Variants in PAK3 observed in about 807,000 individuals in gnomAD.
PAK3 encodes the protein p21 (RAC1) activated kinase 3.
A neutral mutation model predicts 41.0 loss-of-function variants in PAK3; 4 were observed. The ratio of observed to expected loss-of-function variants is 0.10; its 90% CI spans 0.05 to 0.22. PAK3 has a LOEUF of 0.22. Ranked by LOEUF, PAK3 falls within the 10% of genes least tolerant of loss-of-function variation. The pLI, the probability that PAK3 is intolerant of heterozygous loss-of-function variation, is 1.00. For missense variants in PAK3, 205 were observed against 409.9 expected (o/e 0.50, Z 4.32); for synonymous variants, 146 against 139.6 (o/e 1.05, Z -0.32).
chrX:111,048,880 G>A (rs906362567), intron 1 of PAK3, among the ~76,000 whole-genome samples: 13 of 111,983 alleles, frequency 1.2e-4, no homozygotes, highest in African/African-American at 3.6e-4. Context: ...TCAAAGTGAG[G>A]TTTTAAAAAC....
chrX:111,224,308 G>C lies in PAK3; in HGVS notation c.*3861G>C, dbSNP rs903892093. ...GTCTGTTTTGTGGTTGCTTTAGATT[G>C]GAGGGGTGACCATTTTATTAGCCCC... On this transcript the variant is annotated 3_prime_UTR_variant, in exon 18 of 18. Transcript: ENST00000372007. 1.8e-5 allele frequency: 2 copies of C among 111,546 alleles called. No homozygotes were observed. The highest frequency in any genetic ancestry group is 6.5e-5 in the African/African-American group (2 of 30,664). 9.2% of individuals were successfully genotyped at this position (111,546 alleles called of 1,213,427 possible).
intron 1 of PAK3, among the ~76,000 whole-genome samples, chrX:110,981,732 A>C (rs1260379707): frequency 1.8e-5 from 2 of 111,894 alleles, no homozygotes; most frequent in Non-Finnish European, 3.8e-5. Flanking sequence ...TTTCAATGCA[A>C]TGAGACCCTA....
chrX:110,966,247 G>A (rs2091079248), intron 1 of PAK3, among the ~76,000 whole-genome samples: 2 of 111,539 alleles, frequency 1.8e-5, no homozygotes, highest in Non-Finnish European at 3.8e-5. Flanking sequence ...ACAAAGGAGG[G>A]TAGGACAATT....
chrX:110,988,466 A>G, intron 1 of PAK3, among the ~76,000 whole-genome samples: 1 of 112,319 alleles, frequency 8.9e-6, no homozygotes, highest in East Asian at 2.8e-4. Context: ...ATCATTTATA[A>G]TATAGTTGTA....
chrX:111,164,480 A>C (rs758972983), intron 10 of PAK3, among the ~76,000 whole-genome samples: 1 of 111,128 alleles, frequency 9.0e-6, no homozygotes, highest in Admixed American at 9.6e-5. Context: ...GCCTCCTCAG[A>C]AGATGTTGCT....
intron 11 of PAK3, among the ~76,000 whole-genome samples, chrX:111,183,347 TA>T (rs941021850): frequency 4.5e-5 from 5 of 111,003 alleles, no homozygotes; most frequent in African/African-American, 9.8e-5. Flanking sequence ...GGAATACATG[TA>T]AAAAAAATAA....
chrX:111,047,006 C>T (rs767742636), intron 1 of PAK3, among the ~76,000 whole-genome samples: 1 of 111,909 alleles, frequency 8.9e-6, no homozygotes, highest in East Asian at 2.8e-4. Context: ...GCTCAGTACT[C>T]CCAGTGGATG....
At chrX:111,061,647 T>G (rs1424671167) in intron 1 of PAK3, among the ~76,000 whole-genome samples, 1 of 112,223 alleles carries the variant, frequency 8.9e-6, no homozygotes, top group Non-Finnish European at 1.9e-5. Context: ...TACATTTTTG[T>G]AGTTTTCTCC....
At chrX:111,051,663 G>A (rs1207750054) in intron 1 of PAK3, among the ~76,000 whole-genome samples, 1 of 101,535 alleles carries the variant, frequency 9.8e-6, no homozygotes, top group East Asian at 3.2e-4. Flanking sequence ...AGTACAGTGG[G>A]CCTTATGAAC....
At chrX:111,023,996 A>G (rs1432867845) in intron 1 of PAK3, among the ~76,000 whole-genome samples, 1 of 111,205 alleles carries the variant, frequency 9.0e-6, no homozygotes, top group Admixed American at 9.5e-5. Flanking sequence ...GGTATTGCCT[A>G]GGTTTTCTTC....
At position 111,031,653 on chromosome X, in the gene PAK3, C is replaced by T. The variant is rs969391249; in HGVS notation, c.-28+87025C>T. 8.1e-5 allele frequency among the ~76,000 whole-genome samples: 9 copies of T among 111,429 alleles called. No individual in the cohort carries two copies. The East Asian group carries it at 8.5e-4, about 10-fold the overall frequency. On this transcript the variant is annotated intron_variant, in intron 1 of 14. Transcript: ENST00000425146. The stretch of plus-strand genomic sequence containing the variant: ...TCAGCCTACTTTGACTTTTCAGCAG[C>T]GGACAGAACATTGTCTTATTTAGGG...
intron 1 of PAK3, among the ~76,000 whole-genome samples, chrX:110,989,813 T>A (rs1429362487): frequency 1.8e-5 from 2 of 111,419 alleles, no homozygotes; most frequent in Admixed American, 1.9e-4. Context: ...CTGCTGAGGG[T>A]TGAGTTAATC....
At chrX:111,092,662 C>G (rs2092938921), upstream of PAK3, among the ~76,000 whole-genome samples, 1 of 111,660 alleles carries the variant, frequency 9.0e-6, no homozygotes, top group Non-Finnish European at 1.9e-5. Context: ...TACTTATTCC[C>G]AAACTCATAG....
intron 6 of PAK3, among the ~76,000 whole-genome samples, chrX:111,145,515 A>G (rs1376533510): frequency 1.8e-5 from 2 of 111,936 alleles, no homozygotes; most frequent in African/African-American, 6.5e-5. Flanking sequence ...TCCTTTGGCC[A>G]TTACGGTATT....
At chrX:111,033,941 C>T (rs2092367557) in intron 1 of PAK3, among the ~76,000 whole-genome samples, 1 of 110,949 alleles carries the variant, frequency 9.0e-6, no homozygotes, top group African/African-American at 3.3e-5. Flanking sequence ...AAAAAAGAAT[C>T]CCACTGTCTC....
At chrX:111,173,569 C>T (rs1000803729) in intron 11 of PAK3, among the ~76,000 whole-genome samples, 27 of 110,951 alleles carry the variant, frequency 2.4e-4, no homozygotes, top group African/African-American at 8.8e-4. Context: ...AGGAAACAGA[C>T]AATAATCCCT....
chrX:111,123,135 C>T lies in PAK3; in HGVS notation c.32C>T (p.Pro11Leu). 3 of 1,206,670 alleles carry T rather than the reference C, an allele frequency of 2.5e-6. No homozygotes were observed. The highest frequency in any genetic ancestry group is 3.4e-6 in the Non-Finnish European group (3 of 891,084). Residue 11 changes from proline (P) to leucine (L), a missense_variant, in exon 5 of 18, where the codon CCC becomes CTC. Around this residue, in one of 5 missense-constraint regions of PAK3, gnomAD observed 26 missense variants for 27.4 expected, o/e 0.95. Coordinates refer to ENST00000372007, the MANE Select transcript of PAK3 (RefSeq NM_002578.5). MSDGLDNEEK[P>L]PAPPLRMNSN... ...GACGGTCTGGATAATGAAGAGAAAC[C>T]CCCGGCTCCTCCACTGAGGATGAAT...
chrX:111,107,372 A>G (rs779957150), intron 4 of PAK3, among the ~76,000 whole-genome samples: 5 of 112,570 alleles, frequency 4.4e-5, no homozygotes, highest in African/African-American at 1.6e-4. Flanking sequence ...AAATTTCAAC[A>G]GCTGTTACTA....
intron 11 of PAK3, among the ~76,000 whole-genome samples, chrX:111,183,975 C>G (rs2094484852): frequency 9.0e-6 from 1 of 111,647 alleles, no homozygotes; most frequent in Non-Finnish European, 1.9e-5. Flanking sequence ...ACTGAAAGAT[C>G]TCTAACTTCA....
Sources: gnomAD v4.1 joint callset for allele counts (sites outside exome capture counted in the v4.1 genomes callset) on GRCh38, gnomAD v4.1.1 for gene constraint, gnomAD v4.1.1 regional missense constraint, MANE v1.5 for transcripts, NCBI Gene and HGNC (gene_info 2026-07-23, HGNC 2026-07-21) for gene names.